The following PDE10A variants were observed in gnomAD, a reference collection of about 807,000 sequenced individuals.
PDE10A encodes cAMP and cAMP-inhibited cGMP 3',5'-cyclic phosphodiesterase 10A.
Under a neutral mutation model 97.7 loss-of-function variants are expected in PDE10A, and 39 were observed. That is an observed-to-expected ratio of 0.40 (90% CI 0.31 to 0.52). The LOEUF is 0.52. PDE10A is among the 20% of genes least tolerant of loss of function. The pLI is 0.56. For synonymous variants in PDE10A, 371 were observed against 376.8 expected (o/e 0.98, Z 0.18); for missense variants, 731 against 1,047.8 (o/e 0.70, Z 4.17).
At chr6:165,503,338 A>G (rs1216384275) in intron 2 of PDE10A, among the ~76,000 whole-genome samples, 1 of 152,206 alleles carries the variant, frequency 6.6e-6, no homozygotes, top group Non-Finnish European at 1.5e-5. Context: ...TCTGCACAGT[A>G]TCAACATCCA....
intron 1 of PDE10A, among the ~76,000 whole-genome samples, chr6:165,674,540 C>G (rs186693034): frequency 6.6e-6 from 1 of 152,136 alleles, no homozygotes; most frequent in Admixed American, 6.5e-5. Flanking sequence ...GAGCAAATGC[C>G]CGCCAACGAC....
intron 17 of PDE10A, among the ~76,000 whole-genome samples, chr6:165,381,248 T>C (rs1458131800): frequency 6.6e-6 from 1 of 152,238 alleles, no homozygotes; most frequent in Non-Finnish European, 1.5e-5. Context: ...CTCATGTTTT[T>C]ATCAGAGTCC....
At chr6:165,374,342 C>G (rs913375120) in intron 18 of PDE10A, among the ~76,000 whole-genome samples, 2 of 151,790 alleles carry the variant, frequency 1.3e-5, no homozygotes, top group African/African-American at 2.4e-5. Context: ...CCTCCTGAAA[C>G]TAAATCTGTT....
At chr6:165,769,473 T>A (rs1777947369) in intron 1 of PDE10A, among the ~76,000 whole-genome samples, 1 of 152,188 alleles carries the variant, frequency 6.6e-6, no homozygotes, top group South Asian at 2.1e-4. Flanking sequence ...TTTGTATTGG[T>A]GAATTTAAAC....
intron 5 of PDE10A, among the ~76,000 whole-genome samples, chr6:165,444,999 T>C (rs887270860): frequency 2.0e-4 from 31 of 152,244 alleles, no homozygotes; most frequent in Non-Finnish European, 4.1e-4. Context: ...ATTTTTGTTG[T>C]GAAATTGAGT....
chr6:165,474,906 G>A (rs77772853), intron 3 of PDE10A, among the ~76,000 whole-genome samples: 4 of 152,244 alleles, frequency 2.6e-5, no homozygotes, highest in African/African-American at 9.6e-5. Context: ...AAGAGAGAGA[G>A]AAATAGAGCG....
intron 16 of PDE10A, among the ~76,000 whole-genome samples, chr6:165,392,171 G>T (rs1195953023): frequency 6.6e-6 from 1 of 152,180 alleles, no homozygotes; most frequent in African/African-American, 2.4e-5. Context: ...CTTTGGATAT[G>T]TCACTAACTC....
intron 11 of PDE10A, among the ~76,000 whole-genome samples, chr6:165,417,233 C>T (rs1420117106): frequency 6.6e-6 from 1 of 152,186 alleles, no homozygotes; most frequent in Non-Finnish European, 1.5e-5. Context: ...TTGTCTTTTT[C>T]CTGGTTTTCT....
At chr6:165,927,427 A>G (rs1289065170) in intron 1 of PDE10A, among the ~76,000 whole-genome samples, 1 of 151,994 alleles carries the variant, frequency 6.6e-6, no homozygotes, top group Non-Finnish European at 1.5e-5. Context: ...GATAATCACA[A>G]TACAGTAAGA....
intron 1 of PDE10A, among the ~76,000 whole-genome samples, chr6:165,887,606 A>T (rs1388326140): frequency 5.9e-5 from 9 of 152,174 alleles, no homozygotes; most frequent in Non-Finnish European, 1.2e-4. Flanking sequence ...TCTTCCAGTG[A>T]CTAAGACCAA....
intron 1 of PDE10A, among the ~76,000 whole-genome samples, chr6:165,736,791 A>G (rs986284684): frequency 3.9e-5 from 6 of 152,232 alleles, no homozygotes; most frequent in African/African-American, 1.4e-4. Flanking sequence ...AGCAGATGGA[A>G]GGAAATAATA....
chr6:165,713,503 A>T (rs1381090766), intron 1 of PDE10A, among the ~76,000 whole-genome samples: 1 of 152,164 alleles, frequency 6.6e-6, no homozygotes. Flanking sequence ...TTAGATTGGG[A>T]ACTACCCCAC....
intron 1 of PDE10A, among the ~76,000 whole-genome samples, chr6:165,674,477 G>T (rs1418701297): frequency 6.6e-6 from 1 of 152,186 alleles, no homozygotes; most frequent in East Asian, 1.9e-4. Context: ...AGTGGCTGTG[G>T]GGATTCAGAT....
chr6:165,341,582 T>C (rs1201384043), intron 19 of PDE10A, among the ~76,000 whole-genome samples: 2 of 152,186 alleles, frequency 1.3e-5, no homozygotes, highest in African/African-American at 4.8e-5. Flanking sequence ...AATTTCCTTT[T>C]CTTTTTTTGC....
chr6:165,840,300 C>T (rs530376500), intron 1 of PDE10A, among the ~76,000 whole-genome samples: 9 of 152,136 alleles, frequency 5.9e-5, no homozygotes, highest in African/African-American at 9.7e-5. Context: ...CAAACTGGAG[C>T]GGGTTTCCTT....
intron 1 of PDE10A, among the ~76,000 whole-genome samples, chr6:165,918,807 G>A (rs1782675535): frequency 6.6e-6 from 1 of 152,142 alleles, no homozygotes; most frequent in Non-Finnish European, 1.5e-5. Context: ...GGGGGTGTCA[G>A]TGTGGACCCC....
intron 1 of PDE10A, among the ~76,000 whole-genome samples, chr6:165,802,806 A>G (rs369163338): frequency 1.3e-5 from 2 of 152,178 alleles, no homozygotes; most frequent in African/African-American, 4.8e-5. Context: ...AATTCTACCA[A>G]CTGGACCTAT....
intron 3 of PDE10A, among the ~76,000 whole-genome samples, chr6:165,455,344 T>C (rs1777891669): frequency 6.6e-6 from 1 of 152,106 alleles, no homozygotes; most frequent in African/African-American, 2.4e-5. Flanking sequence ...CTCTGGTGAC[T>C]GCAGTTTGGG....
At chr6:165,949,569 C>T (rs1210207093) in intron 1 of PDE10A, 1 of 152,046 alleles carries the variant, frequency 6.6e-6, no homozygotes, top group Non-Finnish European at 1.5e-5. Flanking sequence ...GGGTGACCAC[C>T]GCAGATCTTA....
Sources: allele counts gnomAD v4.1 joint callset (sites outside exome capture counted in the v4.1 genomes callset), GRCh38; gene constraint gnomAD v4.1.1; transcripts MANE v1.5; gene names NCBI Gene and HGNC (gene_info 2026-07-23, HGNC 2026-07-21).